Variants in TRAM2 observed in about 807,000 individuals in gnomAD.
The protein encoded by TRAM2 is translocation associated membrane protein 2.
Under a neutral mutation model 51.0 loss-of-function variants are expected in TRAM2, and 12 were observed. That is an observed-to-expected ratio of 0.24 (90% CI 0.15 to 0.38). TRAM2 has a LOEUF of 0.38. Ranked by LOEUF, TRAM2 falls within the 10% of genes least tolerant of loss-of-function variation. The pLI is 1.00. For missense variants in TRAM2, 361 were observed against 462.0 expected, an observed-to-expected ratio of 0.78 and a Z score of 2.00; for synonymous variants, 175 against 179.4, an observed-to-expected ratio of 0.98 and a Z score of 0.20.
intron 10 of TRAM2, among the ~76,000 whole-genome samples, chr6:52,504,232 C>T (rs778274357): frequency 3.9e-5 from 6 of 152,340 alleles, no homozygotes; most frequent in Middle Eastern, 3.4e-3. Context: ...AGGACAGAGG[C>T]CGCCGTCCGG....
intron 1 of TRAM2, among the ~76,000 whole-genome samples, chr6:52,545,608 C>A (rs1444014700): frequency 6.6e-6 from 1 of 150,480 alleles, no homozygotes; most frequent in Non-Finnish European, 1.5e-5. Flanking sequence ...ATGAACCCCA[C>A]CCCCACCTAT....
At chr6:52,555,007 C>T (rs1239896123) in intron 1 of TRAM2, among the ~76,000 whole-genome samples, 1 of 152,172 alleles carries the variant, frequency 6.6e-6, no homozygotes, top group East Asian at 1.9e-4. Context: ...AGCCACTGTG[C>T]CTGGCCAACT....
chr6:52,575,591 C>A (rs1767749636), intron 1 of TRAM2, among the ~76,000 whole-genome samples: 1 of 152,168 alleles, frequency 6.6e-6, no homozygotes. Context: ...GCTTCGCCAG[C>A]CAATTAGGGC....
chr6:52,523,778 T>C lies in TRAM2; in HGVS notation c.185-7041A>G, dbSNP rs1018700227. The C allele has an allele frequency of 7.2e-5, 11 of 152,358 alleles. 2 individuals carry two copies. In the South Asian group the frequency reaches 2.3e-3, roughly 32 times the overall value. The allele number at this position is 152,358 out of a possible 1,614,324, so 9.4% of individuals were successfully genotyped here. A position where few individuals can be genotyped will look rare whatever the true frequency, so the allele number is the denominator to read the frequency against. On this transcript the variant is annotated intron_variant, in intron 2 of 10. Coordinates refer to ENST00000182527, the MANE Select transcript of TRAM2 (RefSeq NM_012288.4). ...ACAAGGTTACACACCACAGCACTGT[T>C]TTTAATGGTAAATGAATGGAAACAA...
In TRAM2 at chr6:52,542,276, TAAAAA is replaced by T. The variant is rs66882373; in HGVS notation, c.121-6435_121-6431del. 1.7e-3 allele frequency among the ~76,000 whole-genome samples: 244 copies of T among 147,766 alleles called. 1 individual carries two copies. The highest frequency in any genetic ancestry group is 5.3e-3 in the African/African-American group (211 of 39,568). ...GAGATTTTTGGGTTTTTTTTTTTTT[TAAAAA>T]AAATAGTCTTTTAGCCTTTTTTCCT... On this transcript the variant is annotated intron_variant, in intron 1 of 10. Coordinates refer to ENST00000182527, the MANE Select transcript of TRAM2 (RefSeq NM_012288.4).
At chr6:52,506,569 C>T (rs917507725) in intron 7 of TRAM2, among the ~76,000 whole-genome samples, 8 of 152,232 alleles carry the variant, frequency 5.3e-5, no homozygotes, top group African/African-American at 7.2e-5. Context: ...CATGCAGAAG[C>T]AGCAAGTGCT....
chr6:52,552,041 A>G (rs560390512), intron 1 of TRAM2, among the ~76,000 whole-genome samples: 73 of 152,404 alleles, frequency 4.8e-4, no homozygotes, highest in African/African-American at 1.8e-3. Context: ...TGATCTTCTG[A>G]GATCCCAATT....
chr6:52,527,551 A>G lies in TRAM2; in HGVS notation c.184+8232T>C, dbSNP rs115296753. ...GGGAGGAAGAGCAAGATGATTCACT[A>G]GGAGAAGACATTTGGGGGCTCAGTG... On this transcript the variant is annotated intron_variant, in intron 2 of 10. Transcript: ENST00000182527. 9.4e-3 allele frequency among the ~76,000 whole-genome samples: 1,433 copies of G among 152,218 alleles called. 26 individuals are homozygous for G. Among genetic ancestry groups the G allele is most frequent in the African/African-American group, 0.032 (1,345 of 41,526 alleles).
In TRAM2 at chr6:52,504,778, T is replaced by C. The variant is rs1374718755; in HGVS notation, c.876-24A>G. On this transcript the variant is annotated intron_variant, in intron 9 of 10. Coordinates refer to ENST00000182527, the MANE Select transcript of TRAM2 (RefSeq NM_012288.4). ...GCCTGCAGAGCAGGGGGTTAGGGGC[T>C]TAGGCTGGGGCTTGGGCTCACAGCC... The C allele has an allele frequency of 5.1e-6, 8 of 1,576,462 alleles. No individual in the cohort carries two copies. The South Asian group carries it at 9.1e-5, about 18-fold the overall frequency.
chr6:52,562,023 C>G (rs1767510773), intron 1 of TRAM2, among the ~76,000 whole-genome samples: 1 of 151,250 alleles, frequency 6.6e-6, no homozygotes. Context: ...ATCACTGTAT[C>G]ATACACTTTA....
chr6:52,516,842 C>G, intron 2 of TRAM2, 105 bp from the exon 3 acceptor site: 1 of 860,178 alleles, frequency 1.2e-6, no homozygotes, highest in Non-Finnish European at 1.9e-6. Flanking sequence ...CAAATGCTAC[C>G]CGTTTGCTAT....
At chr6:52,576,706 AGAG>A (rs1767772744) in intron 1 of TRAM2, 87 bp downstream of exon 1, 4 of 1,508,922 alleles carry the variant, frequency 2.7e-6, no homozygotes, top group Non-Finnish European at 3.6e-6. Flanking sequence ...GCCTCCGATC[AGAG>A]GAGGGCCCGC....
chr6:52,510,527 T>TGGAACCCA (rs1174048221), intron 4 of TRAM2, among the ~76,000 whole-genome samples: 1 of 151,930 alleles, frequency 6.6e-6, no homozygotes, highest in African/African-American at 2.4e-5. Flanking sequence ...CCTTGGGAGG[T>TGGAACCCA]GGAACCCAAG....
intron 2 of TRAM2, among the ~76,000 whole-genome samples, chr6:52,535,422 CCTGT>C (rs1766962252): frequency 6.6e-6 from 1 of 152,224 alleles, no homozygotes; most frequent in Non-Finnish European, 1.5e-5. Context: ...GTGGCTCATG[CCTGT>C]AATCCCAGCA....
intron 2 of TRAM2, among the ~76,000 whole-genome samples, chr6:52,530,269 G>A (rs1309809861): frequency 6.6e-6 from 1 of 152,168 alleles, no homozygotes; most frequent in African/African-American, 2.4e-5. Flanking sequence ...CCTCAAGGAC[G>A]CCAGGGTGGC....
Position 52,521,465 on chromosome 6 carries a change from A to G in TRAM2, c.185-4728T>C, listed in dbSNP as rs183808206. Among the ~76,000 whole-genome samples the G allele has an allele frequency of 8.9e-3, 1,357 of 151,822 alleles. 29 individuals carry two copies. Among genetic ancestry groups the G allele is most frequent in the African/African-American group, 0.031 (1,277 of 41,460 alleles). ...TCCCAGCACTTTGGGAGGCCGAGGC[A>G]GGCGGATCAAGAGATCAGGAGCTCG... On this transcript the variant is annotated intron_variant, in intron 2 of 10. Coordinates refer to ENST00000182527, the MANE Select transcript of TRAM2 (RefSeq NM_012288.4).
intron 1 of TRAM2, among the ~76,000 whole-genome samples, chr6:52,558,856 T>C (rs1039465834): frequency 6.6e-6 from 1 of 152,296 alleles, no homozygotes; most frequent in East Asian, 1.9e-4. Context: ...GCTAGAGATG[T>C]GGCCCCAAAC....
chr6:52,569,185 A>T (rs186702549), intron 1 of TRAM2, among the ~76,000 whole-genome samples: 4 of 152,146 alleles, frequency 2.6e-5, no homozygotes, highest in African/African-American at 4.8e-5. Context: ...ACCTGAGGTC[A>T]GGAGTTCGAG....
chr6:52,518,308 G>A (rs1191417063), intron 2 of TRAM2, among the ~76,000 whole-genome samples: 1 of 152,202 alleles, frequency 6.6e-6, no homozygotes, highest in Non-Finnish European at 1.5e-5. Flanking sequence ...AAAGAATGAA[G>A]GGACTGAGGC....
Sources: gnomAD v4.1 joint callset for allele counts (sites outside exome capture counted in the v4.1 genomes callset) on GRCh38, gnomAD v4.1.1 for gene constraint, MANE v1.5 for transcripts, NCBI Gene and HGNC (gene_info 2026-07-23, HGNC 2026-07-21) for gene names.